Variants in BEGAIN observed in about 807,000 individuals in gnomAD.
The protein encoded by BEGAIN is brain enriched guanylate kinase associated.
BEGAIN carries 19 observed loss-of-function variants against 35.8 expected under a neutral mutation model. The ratio of observed to expected loss-of-function variants is 0.53; its 90% CI spans 0.37 to 0.78. BEGAIN has a LOEUF of 0.78. BEGAIN is among the 30% of genes least tolerant of loss of function. BEGAIN has a pLI of 0.00. For synonymous variants in BEGAIN, 462 were observed against 388.6 expected (o/e 1.19, Z -2.22); for missense variants, 795 against 853.6 (o/e 0.93, Z 0.85).
chr14:100,550,854 C>T (rs749096619), intron 2 of BEGAIN, among the ~76,000 whole-genome samples: 5 of 152,180 alleles, frequency 3.3e-5, no homozygotes, highest in East Asian at 1.9e-4. Flanking sequence ...GGGCGGGGGG[C>T]GCAGCAGCAG....
chr14:100,546,806 A>ACACACACT (rs1219143749), intron 2 of BEGAIN, 144 bp from the exon 3 acceptor site: 2 of 594,776 alleles, frequency 3.4e-6, no homozygotes, highest in Non-Finnish European at 5.2e-6. Flanking sequence ...ACACACACAC[A>ACACACACT]CACACACTCA....
Position 100,558,484 on chromosome 14 carries a change from G to A in BEGAIN, c.71+9427C>T, listed in dbSNP as rs2033955354. Among the ~76,000 whole-genome samples the A allele has an allele frequency of 6.6e-6, 1 of 152,112 alleles. No individual in the cohort carries two copies. The highest frequency in any genetic ancestry group is 2.1e-4 in the South Asian group (1 of 4,822). On this transcript the variant is annotated intron_variant, in intron 2 of 6. Coordinates refer to ENST00000554140, the MANE Select transcript of BEGAIN (RefSeq NM_001385089.1). This position sits in a 1 kb window ranked among gnomAD's most constrained non-coding sequence, Gnocchi z 4.6. ...TCTGGCCTCCGGCATCTCCTTCCCTGGGTGCACTCACCAGTGGCAACCCTA... is the reference window on the plus strand; with the variant it reads ...TCTGGCCTCCGGCATCTCCTTCCCTAGGTGCACTCACCAGTGGCAACCCTA...
At position 100,538,957 on chromosome 14, in the gene BEGAIN, C is replaced by T; in HGVS notation, c.851G>A (p.Ser284Asn). 6.2e-7 allele frequency: 1 copy of T among 1,609,552 alleles called. No homozygotes were observed. Residue 284 changes from serine to asparagine, a missense_variant, in exon 7 of 7, where the codon AGC becomes AAC. Physicochemically the swap from Ser to Asn is conservative, Grantham distance 46 (BLOSUM62 1). Coordinates refer to ENST00000554140, the MANE Select transcript of BEGAIN (RefSeq NM_001385089.1). ...GFLRAQNSTD[S>N]AAEEEEEAEA... ...GGCCTCCTCCTCCTCCTCGGCCGCG[C>T]TGTCAGTGGAGTTCTGGGCCCGCAG...
At chr14:100,546,999 G>A in intron 2 of BEGAIN, 1 of 209,182 alleles carries the variant, frequency 4.8e-6, no homozygotes, top group Non-Finnish European at 9.7e-6. Flanking sequence ...GTTGGGGGCG[G>A]TTTAAAGGAC....
In BEGAIN at chr14:100,563,889, T is replaced by C. The variant is rs971046159; in HGVS notation, c.71+4022A>G. Reference sequence around the variant, plus strand: ...CCACAAGGGACCCTCACAAACAGAATAGTTTTGGTGAAAAAAAGCCACCCC... The same window carrying C: ...CCACAAGGGACCCTCACAAACAGAACAGTTTTGGTGAAAAAAAGCCACCCC... On this transcript the variant is annotated intron_variant, in intron 2 of 6. Coordinates refer to ENST00000554140, the MANE Select transcript of BEGAIN (RefSeq NM_001385089.1). This position sits in a 1 kb window ranked among gnomAD's most constrained non-coding sequence, Gnocchi z 4.2. Among the ~76,000 whole-genome samples the C allele has an allele frequency of 2.6e-5, 4 of 151,978 alleles. No homozygotes were observed. In the East Asian group the frequency reaches 7.7e-4, roughly 29 times the overall value.
chr14:100,568,197 G>A lies in BEGAIN; in HGVS notation c.43-258C>T, dbSNP rs897362875. ...CGCACCGAGTTACGCCCCCCGGGGC[G>A]AAGAAGGGGCCGGCCCGGGATGGCC... On this transcript the variant is annotated intron_variant, in intron 1 of 6. Transcript: ENST00000554140. The surrounding 1 kb of genome is among the most constrained non-coding windows in gnomAD (Gnocchi z 7.5). The A allele has an allele frequency of 2.5e-5, 19 of 766,560 alleles. 1 individual carries two copies. The highest frequency in any genetic ancestry group is 1.2e-4 in the African/African-American group (6 of 51,778). 47.5% of individuals were successfully genotyped at this position (766,560 alleles called of 1,614,324 possible). A position where few individuals can be genotyped will look rare whatever the true frequency, so the allele number is the denominator to read the frequency against.
At chr14:100,575,692 A>C (rs1421614438) in intron 1 of BEGAIN, among the ~76,000 whole-genome samples, 4 of 152,114 alleles carry the variant, frequency 2.6e-5, no homozygotes, top group African/African-American at 4.8e-5. Flanking sequence ...CAGGGCCTCC[A>C]AGGCCAGGTA....
chr14:100,568,646 C>T lies in BEGAIN; in HGVS notation c.43-707G>A, dbSNP rs1378215742. 1 of 550,540 alleles carries T rather than the reference C, an allele frequency of 1.8e-6. No individual in the cohort carries two copies. Among genetic ancestry groups the T allele is most frequent in the Non-Finnish European group, 2.3e-6 (1 of 432,998 alleles). The allele number at this position is 550,540 out of a possible 1,614,324, so 34.1% of individuals were successfully genotyped here. On this transcript the variant is annotated intron_variant, in intron 1 of 6. Coordinates refer to ENST00000554140, the MANE Select transcript of BEGAIN (RefSeq NM_001385089.1). This position sits in a 1 kb window ranked among gnomAD's most constrained non-coding sequence, Gnocchi z 7.5. ...CTTGGAGACCCTCCCTGCCCAGCCCCGCTCAGCCGGGCAGCCCCTCCGCGC... is the reference window on the plus strand; with the variant it reads ...CTTGGAGACCCTCCCTGCCCAGCCCTGCTCAGCCGGGCAGCCCCTCCGCGC...
chr14:100,576,337 G>T (rs1224279004), intron 1 of BEGAIN, among the ~76,000 whole-genome samples: 1 of 152,164 alleles, frequency 6.6e-6, no homozygotes, highest in South Asian at 2.1e-4. Context: ...GGCCCAACCC[G>T]GCTCCTCCAC....
intron 1 of BEGAIN, among the ~76,000 whole-genome samples, chr14:100,572,826 G>T (rs193196908): frequency 7.9e-5 from 12 of 152,326 alleles, no homozygotes; most frequent in Non-Finnish European, 1.6e-4. Context: ...ATCACTTGGA[G>T]TGGACAGCTT....
chr14:100,572,549 TCA>T (rs773728453), intron 1 of BEGAIN, among the ~76,000 whole-genome samples: 3 of 152,154 alleles, frequency 2.0e-5, no homozygotes, highest in Non-Finnish European at 4.4e-5. Context: ...TCTAGCTTCC[TCA>T]GTTTCCCTGA....
At chr14:100,549,593 C>G (rs567032261) in intron 2 of BEGAIN, 1 of 152,306 alleles carries the variant, frequency 6.6e-6, no homozygotes, top group African/African-American at 2.4e-5. Flanking sequence ...TTCCCCACAC[C>G]GGGCAATAAC....
chr14:100,540,913 C>T (rs768021578), intron 5 of BEGAIN, among the ~76,000 whole-genome samples: 4 of 152,198 alleles, frequency 2.6e-5, no homozygotes, highest in African/African-American at 4.8e-5. Flanking sequence ...CCCCCAGGCT[C>T]GTAGAGCAGG....
intron 1 of BEGAIN, among the ~76,000 whole-genome samples, chr14:100,569,262 A>T (rs1469729914): frequency 6.6e-6 from 1 of 152,106 alleles, no homozygotes; most frequent in Admixed American, 6.5e-5. Context: ...AGGGATCCCT[A>T]AGGCGCCCGG....
Position 100,583,692 on chromosome 14 carries a change from C to CTTTTTTTTTTTTTTT in BEGAIN, c.42+3542_42+3556dup, listed in dbSNP as rs56090356. ...CTCTCTCTCTCTTTCGTTTTTCTTC[C>CTTTTTTTTTTTTTTT]TTTTTTTTTTTTTTTTTGATGGAGT... On this transcript the variant is annotated intron_variant, in intron 1 of 6. Transcript: ENST00000554140. 2.6e-3 allele frequency among the ~76,000 whole-genome samples: 282 copies of CTTTTTTTTTTTTTTT among 108,980 alleles called. 5 individuals are homozygous for CTTTTTTTTTTTTTTT. The highest frequency in any genetic ancestry group is 3.9e-3 in the Non-Finnish European group (220 of 56,050). The allele number at this position is 108,980 out of a possible 152,430, so 71.5% of individuals were successfully genotyped here. A position where few individuals can be genotyped will look rare whatever the true frequency, so the allele number is the denominator to read the frequency against.
At position 100,563,749 on chromosome 14, in the gene BEGAIN, C is replaced by T. The variant is rs1051117847; in HGVS notation, c.71+4162G>A. ...ATCGCAGCCCACATCCCCAGACACCCGCACAGGAGTTTCCTAAGGTGGCCC... is the reference window on the plus strand; with the variant it reads ...ATCGCAGCCCACATCCCCAGACACCTGCACAGGAGTTTCCTAAGGTGGCCC... On this transcript the variant is annotated intron_variant, in intron 2 of 6. Coordinates refer to ENST00000554140, the MANE Select transcript of BEGAIN (RefSeq NM_001385089.1). The surrounding 1 kb of genome is among the most constrained non-coding windows in gnomAD (Gnocchi z 4.2). Among the ~76,000 whole-genome samples, 8 of 152,224 alleles carry T rather than the reference C, an allele frequency of 5.3e-5. No individual in the cohort carries two copies. The highest frequency in any genetic ancestry group is 6.5e-5 in the Admixed American group (1 of 15,288).
At chr14:100,564,797 T>C (rs935134799) in intron 2 of BEGAIN, among the ~76,000 whole-genome samples, 1 of 152,018 alleles carries the variant, frequency 6.6e-6, no homozygotes. Context: ...GGGGTGCCCA[T>C]CTGGGGCCCT....
intron 3 of BEGAIN, chr14:100,545,991 A>C (rs2032316664): frequency 6.5e-6 from 1 of 153,146 alleles, no homozygotes; most frequent in South Asian, 2.1e-4. Flanking sequence ...AAATGTGCAC[A>C]AGAAAACTGC....
At chr14:100,553,959 A>G (rs1451931392) in intron 2 of BEGAIN, among the ~76,000 whole-genome samples, 1 of 152,098 alleles carries the variant, frequency 6.6e-6, no homozygotes. Context: ...TGGAGCAGGT[A>G]AGCGTCCACT....
Sources: allele counts gnomAD v4.1 joint callset (sites outside exome capture counted in the v4.1 genomes callset), GRCh38; gene constraint gnomAD v4.1.1; non-coding constraint Gnocchi (gnomAD v3.1); transcripts MANE v1.5; gene names NCBI Gene and HGNC (gene_info 2026-07-23, HGNC 2026-07-21).